The following CASK variants were observed in gnomAD, a reference collection of about 807,000 sequenced individuals.
The protein encoded by CASK is peripheral plasma membrane protein CASK.
CASK carries 4 observed loss-of-function variants against 82.9 expected under a neutral mutation model. The ratio of observed to expected loss-of-function variants is 0.05; its 90% CI spans 0.02 to 0.11. The LOEUF (loss-of-function observed/expected upper bound fraction) is 0.11, where lower values mean the gene tolerates loss of function less well. Ranked by LOEUF, CASK falls within the 10% of genes least tolerant of loss-of-function variation. The probability of loss-of-function intolerance (pLI) is 1.00; values close to 1 mark genes in which losing one functional copy is unlikely to be tolerated. For missense variants in CASK, 358 were observed against 720.9 expected (o/e 0.50, Z 5.76); for synonymous variants, 259 against 253.5 (o/e 1.02, Z -0.20).
chrX:41,754,701 T>C (rs1432769228), intron 3 of CASK, among the ~76,000 whole-genome samples: 7 of 111,063 alleles, frequency 6.3e-5, no homozygotes, highest in Non-Finnish European at 1.3e-4. Flanking sequence ...ACTGAAACTT[T>C]ATGTCACAAA....
intron 25 of CASK, 60 bp from the exon 26 acceptor site, chrX:41,524,094 T>G: frequency 1.2e-6 from 1 of 836,155 alleles, no homozygotes; most frequent in East Asian, 3.4e-5. Context: ...AATGTAACTT[T>G]CAAATGAGTC....
At chrX:41,641,694 C>T (rs754144703) in intron 8 of CASK, among the ~76,000 whole-genome samples, 5 of 110,042 alleles carry the variant, frequency 4.5e-5, no homozygotes, top group Non-Finnish European at 9.5e-5. Context: ...AGAAATAATT[C>T]CTATCTTTTT....
At chrX:41,691,840 C>CAAAAAA (rs397895684) in intron 5 of CASK, among the ~76,000 whole-genome samples, 1 of 28,484 alleles carries the variant, frequency 3.5e-5, no homozygotes, top group Non-Finnish European at 5.6e-5. Flanking sequence ...GACTCTGTCT[C>CAAAAAA]AAAAAAAAAA....
intron 2 of CASK, among the ~76,000 whole-genome samples, chrX:41,821,461 TA>T (rs764349686): frequency 8.9e-6 from 1 of 111,932 alleles, no homozygotes; most frequent in African/African-American, 3.2e-5. Flanking sequence ...TCTCATACAT[TA>T]CTGGTAATAA....
At chrX:41,802,086 T>C (rs761508688) in intron 2 of CASK, among the ~76,000 whole-genome samples, 16 of 111,518 alleles carry the variant, frequency 1.4e-4, no homozygotes, top group Non-Finnish European at 2.1e-4. Context: ...TTTACCCATA[T>C]ACAGAGTGTT....
rs146531416 is a variant in CASK at position 41,551,418 on chromosome X, T to C, written c.2039+2301A>G. On this transcript the variant is annotated intron_variant, in intron 21 of 26. Coordinates refer to ENST00000378163, the MANE Select transcript of CASK (RefSeq NM_001367721.1). The stretch of plus-strand genomic sequence containing the variant: ...TTCCTTTTAGCCTGGGGGGACTGCC[T>C]CTTGCACTCCTAACAATGAGGAGGG... Among the ~76,000 whole-genome samples the C allele has an allele frequency of 3.0e-3, 337 of 111,431 alleles. 1 individual carries two copies. Among genetic ancestry groups the C allele is most frequent in the African/African-American group, 0.01 (319 of 30,543 alleles).
chrX:41,749,055 C>T (rs1029048105), intron 3 of CASK, among the ~76,000 whole-genome samples: 1 of 111,014 alleles, frequency 9.0e-6, no homozygotes, highest in African/African-American at 3.3e-5. Context: ...GAGGCCGAGG[C>T]GGGCGGATAG....
intron 16 of CASK, among the ~76,000 whole-genome samples, chrX:41,565,847 G>C (rs1418768023): frequency 1.8e-5 from 2 of 111,702 alleles, no homozygotes; most frequent in African/African-American, 6.5e-5. Context: ...TAAAATACTG[G>C]AACGTCGAAT....
intron 3 of CASK, among the ~76,000 whole-genome samples, chrX:41,763,829 G>A (rs1341756254): frequency 9.0e-6 from 1 of 111,240 alleles, no homozygotes; most frequent in Non-Finnish European, 1.9e-5. Flanking sequence ...ACTTCTCATT[G>A]TAATTGTTTC....
chrX:41,753,657 G>A (rs936064771), intron 3 of CASK, among the ~76,000 whole-genome samples: 5 of 112,408 alleles, frequency 4.4e-5, no homozygotes, highest in Non-Finnish European at 7.5e-5. Context: ...AGGCCAAGGT[G>A]AGAGGATCAT....
chrX:41,877,780 A>G (rs1465646096), intron 1 of CASK, among the ~76,000 whole-genome samples: 1 of 111,465 alleles, frequency 9.0e-6, no homozygotes, highest in Non-Finnish European at 1.9e-5. Flanking sequence ...ATTCTATACC[A>G]TTGTAGATAT....
intron 1 of CASK, among the ~76,000 whole-genome samples, chrX:41,913,026 T>C (rs930187871): frequency 1.8e-5 from 2 of 109,505 alleles, no homozygotes; most frequent in African/African-American, 6.6e-5. Context: ...TCCTCTGTAA[T>C]GATTTCCCCA....
intron 9 of CASK, 57 bp from the exon 10 acceptor site, chrX:41,626,760 G>T: frequency 1.3e-6 from 1 of 742,067 alleles, no homozygotes; most frequent in Non-Finnish European, 2.1e-6. Flanking sequence ...ATATAAATAA[G>T]TTATTTAACA....
At chrX:41,554,120 C>G (rs188859792) in intron 20 of CASK, among the ~76,000 whole-genome samples, 1 of 112,381 alleles carries the variant, frequency 8.9e-6, no homozygotes, top group East Asian at 2.8e-4. Flanking sequence ...AGCTTCAAAA[C>G]TTTGCTGTTT....
chrX:41,848,825 C>G (rs1450983125), intron 2 of CASK, among the ~76,000 whole-genome samples: 1 of 111,495 alleles, frequency 9.0e-6, no homozygotes, highest in African/African-American at 3.3e-5. Context: ...TACTACAGAA[C>G]TGGAAGAAAG....
intron 5 of CASK, among the ~76,000 whole-genome samples, chrX:41,711,831 C>T (rs1010158478): frequency 3.6e-5 from 4 of 112,092 alleles, no homozygotes; most frequent in African/African-American, 9.7e-5. Flanking sequence ...ACAAACCACC[C>T]GACTGCAGGG....
intron 2 of CASK, among the ~76,000 whole-genome samples, chrX:41,801,683 G>C (rs1019838072): frequency 4.5e-5 from 5 of 111,385 alleles, no homozygotes; most frequent in Non-Finnish European, 9.4e-5. Context: ...AGGAGGACTG[G>C]CTGAACCTTT....
chrX:41,913,011 T>G (rs1034101910), intron 1 of CASK, among the ~76,000 whole-genome samples: 4 of 109,403 alleles, frequency 3.7e-5, no homozygotes, highest in African/African-American at 1.3e-4. Context: ...CATTCAAGCC[T>G]CACCTCCTCT....
intron 25 of CASK, 163 bp from the exon 26 acceptor site, chrX:41,524,197 T>C (rs1445523251): frequency 2.2e-6 from 1 of 450,362 alleles, no homozygotes; most frequent in Non-Finnish European, 3.8e-6. Flanking sequence ...ACATAACTTA[T>C]ATTACTTTTT....
Sources: gnomAD v4.1 joint callset for allele counts (sites outside exome capture counted in the v4.1 genomes callset) on GRCh38, gnomAD v4.1.1 for gene constraint, MANE v1.5 for transcripts, NCBI Gene and HGNC (gene_info 2026-07-23, HGNC 2026-07-21) for gene names.